The following NCAM2 variants were observed in gnomAD, a reference collection of about 807,000 sequenced individuals.
NCAM2 encodes the protein neural cell adhesion molecule 2.
A neutral mutation model predicts 98.1 loss-of-function variants in NCAM2; 30 were observed. That is an observed-to-expected ratio of 0.31 (90% CI 0.23 to 0.41). The LOEUF is 0.41. NCAM2 is among the 10% of genes least tolerant of loss of function. NCAM2 has a pLI of 1.00. For synonymous variants in NCAM2, 368 were observed against 342.4 expected (o/e 1.07, Z -0.83); for missense variants, 867 against 1,005.8 (o/e 0.86, Z 1.87).
At chr21:21,169,951 C>T (rs866166833) in intron 1 of NCAM2, among the ~76,000 whole-genome samples, 1 of 151,220 alleles carries the variant, frequency 6.6e-6, no homozygotes, top group Non-Finnish European at 1.5e-5. Context: ...AGTGAGACCC[C>T]GTCTCAAAAA....
At chr21:21,403,241 A>C (rs1265076710) in intron 9 of NCAM2, among the ~76,000 whole-genome samples, 3 of 152,186 alleles carry the variant, frequency 2.0e-5, no homozygotes, top group African/African-American at 4.8e-5. Flanking sequence ...AACTGCTCAC[A>C]AAATAGTAGA....
chr21:21,355,150 G>A (rs906671118), intron 8 of NCAM2, among the ~76,000 whole-genome samples: 21 of 151,800 alleles, frequency 1.4e-4, no homozygotes, highest in African/African-American at 3.4e-4. Context: ...AGATTATTTC[G>A]TGACCGGGCA....
chr21:21,195,598 T>G (rs1433096984), intron 1 of NCAM2, among the ~76,000 whole-genome samples: 1 of 152,206 alleles, frequency 6.6e-6, no homozygotes, highest in Non-Finnish European at 1.5e-5. Context: ...AACTAGGTTT[T>G]TATATGATAA....
At chr21:21,332,312 G>T (rs1349982824) in intron 6 of NCAM2, among the ~76,000 whole-genome samples, 14 of 152,096 alleles carry the variant, frequency 9.2e-5, no homozygotes, top group African/African-American at 3.4e-4. Flanking sequence ...AAGTGACTTG[G>T]AAAAAGTTTT....
chr21:21,312,954 T>C (rs1601944179), intron 5 of NCAM2, among the ~76,000 whole-genome samples: 1 of 151,952 alleles, frequency 6.6e-6, no homozygotes, highest in East Asian at 1.9e-4. Context: ...TGAGTAACTT[T>C]GTGGTTTCTG....
intron 10 of NCAM2, among the ~76,000 whole-genome samples, chr21:21,415,943 G>A (rs1012151322): frequency 6.6e-6 from 1 of 152,166 alleles, no homozygotes; most frequent in Non-Finnish European, 1.5e-5. Flanking sequence ...TATCATTTGT[G>A]AGTCCACTAG....
chr21:21,074,285 T>G (rs993349143), intron 1 of NCAM2, among the ~76,000 whole-genome samples: 8 of 152,108 alleles, frequency 5.3e-5, no homozygotes, highest in Admixed American at 2.0e-4. Flanking sequence ...TAAAATAAAT[T>G]TTACATTTAT....
At chr21:21,208,205 G>A (rs959749071) in intron 1 of NCAM2, among the ~76,000 whole-genome samples, 5 of 152,202 alleles carry the variant, frequency 3.3e-5, no homozygotes, top group South Asian at 2.1e-4. Flanking sequence ...TACTTCCAAG[G>A]TATAAATTAC....
In NCAM2 at chr21:21,538,807, GT is replaced by G. The variant is rs1365745605; in HGVS notation, c.*851del. 1 of 152,168 alleles carries G rather than the reference GT, an allele frequency of 6.6e-6. No homozygotes were observed. Among genetic ancestry groups the G allele is most frequent in the Admixed American group, 6.6e-5 (1 of 15,266 alleles). The allele number at this position is 152,168 out of a possible 1,614,324, so 9.4% of individuals were successfully genotyped here. A position where few individuals can be genotyped will look rare whatever the true frequency, so the allele number is the denominator to read the frequency against. On this transcript the variant is annotated 3_prime_UTR_variant, in exon 18 of 18. Transcript: ENST00000400546. The stretch of plus-strand genomic sequence containing the variant: ...GGTGTCTTGATATATTTATAAATAT[GT>G]GATTATCATTTATTTTTAAAATAAT...
At chr21:21,264,945 A>G (rs1472289121) in intron 1 of NCAM2, among the ~76,000 whole-genome samples, 5 of 11,020 alleles carry the variant, frequency 4.5e-4, no homozygotes, top group Admixed American at 1.0e-3. Context: ...ATGTGTGTGT[A>G]TATATATGTG....
At chr21:21,411,028 A>ATGTG (rs2076849018) in intron 10 of NCAM2, among the ~76,000 whole-genome samples, 1 of 90,898 alleles carries the variant, frequency 1.1e-5, no homozygotes, top group African/African-American at 4.6e-5. Context: ...ATATATATAT[A>ATGTG]TATACACACA....
At chr21:21,165,573 C>A (rs1227423043) in intron 1 of NCAM2, among the ~76,000 whole-genome samples, 1 of 152,178 alleles carries the variant, frequency 6.6e-6, no homozygotes, top group Non-Finnish European at 1.5e-5. Context: ...TCTGAAAAGT[C>A]AACCAATTCT....
chr21:21,227,630 G>T (rs1316603184), intron 1 of NCAM2, among the ~76,000 whole-genome samples: 1 of 151,792 alleles, frequency 6.6e-6, no homozygotes, highest in African/African-American at 2.4e-5. Flanking sequence ...GAATAGCAAA[G>T]ATTATTTTGG....
intron 16 of NCAM2, among the ~76,000 whole-genome samples, chr21:21,532,632 G>C (rs1473198202): frequency 6.6e-6 from 1 of 152,076 alleles, no homozygotes; most frequent in East Asian, 1.9e-4. Context: ...TGTACCAATT[G>C]TTAATATAAG....
At chr21:21,060,799 C>CG (rs1568979544) in intron 1 of NCAM2, among the ~76,000 whole-genome samples, 5 of 152,038 alleles carry the variant, frequency 3.3e-5, no homozygotes, top group African/African-American at 1.2e-4. Flanking sequence ...AGAGCAGGTA[C>CG]AGTGGAAGAA....
At chr21:21,142,523 C>T (rs992516798) in intron 1 of NCAM2, among the ~76,000 whole-genome samples, 5 of 148,736 alleles carry the variant, frequency 3.4e-5, no homozygotes, top group Non-Finnish European at 7.4e-5. Context: ...GGACTACAGG[C>T]GTCCGCCACC....
chr21:21,164,320 T>C (rs953091308), intron 1 of NCAM2, among the ~76,000 whole-genome samples: 3 of 152,194 alleles, frequency 2.0e-5, no homozygotes, highest in Admixed American at 6.5e-5. Context: ...TACAAATACT[T>C]TTTTGGAAAA....
intron 1 of NCAM2, among the ~76,000 whole-genome samples, chr21:21,064,033 T>A (rs1341013604): frequency 6.6e-6 from 1 of 152,156 alleles, no homozygotes; most frequent in African/African-American, 2.4e-5. Flanking sequence ...ACTGGGTGAT[T>A]CTTGCCAAAG....
At chr21:21,241,608 A>G (rs772557440) in intron 1 of NCAM2, among the ~76,000 whole-genome samples, 14 of 152,144 alleles carry the variant, frequency 9.2e-5, no homozygotes, top group Non-Finnish European at 1.8e-4. Context: ...TCTAATGGCA[A>G]GCAGTCTAGG....
Sources: gnomAD v4.1 joint callset for allele counts (sites outside exome capture counted in the v4.1 genomes callset) on GRCh38, gnomAD v4.1.1 for gene constraint, MANE v1.5 for transcripts, NCBI Gene and HGNC (gene_info 2026-07-23, HGNC 2026-07-21) for gene names.